The following DSCAML1 variants were observed in gnomAD, a reference collection of about 807,000 sequenced individuals.
DSCAML1 encodes the protein DS cell adhesion molecule like 1.
A neutral mutation model predicts 200.5 loss-of-function variants in DSCAML1; 38 were observed. The observed-to-expected ratio is 0.19, with a 90% confidence interval of 0.15 to 0.25. The LOEUF (loss-of-function observed/expected upper bound fraction) is 0.25. Among genes scored for constraint, DSCAML1 ranks in the 10% least tolerant of loss-of-function variants. DSCAML1 has a pLI of 1.00. For missense variants in DSCAML1, 2,223 were observed against 2,858.8 expected (o/e 0.78, Z 5.07); for synonymous variants, 1,215 against 1,165.0 (o/e 1.04, Z -0.87).
intron 1 of DSCAML1, among the ~76,000 whole-genome samples, chr11:117,804,641 AAT>A (rs1349431765): frequency 6.6e-6 from 1 of 152,214 alleles, no homozygotes. Flanking sequence ...CAACTTTAGC[AAT>A]ATCTCGTCCG....
chr11:117,547,592 G>T (rs931117852), intron 3 of DSCAML1, among the ~76,000 whole-genome samples: 1 of 152,082 alleles, frequency 6.6e-6, no homozygotes, highest in Admixed American at 6.5e-5. Flanking sequence ...TGACCCCAGG[G>T]CCTGGCCCTC....
At chr11:117,667,369 A>AT (rs2053000489) in intron 3 of DSCAML1, among the ~76,000 whole-genome samples, 1 of 152,198 alleles carries the variant, frequency 6.6e-6, no homozygotes, top group African/African-American at 2.4e-5. Flanking sequence ...CCAAGATGGC[A>AT]CCACTGCACT....
intron 3 of DSCAML1, among the ~76,000 whole-genome samples, chr11:117,736,576 C>T (rs574647901): frequency 6.6e-6 from 1 of 152,150 alleles, no homozygotes; most frequent in African/African-American, 2.4e-5. Flanking sequence ...CATGGGGGTA[C>T]AATTTGGGTG....
intron 3 of DSCAML1, among the ~76,000 whole-genome samples, chr11:117,726,803 G>A (rs77346825): frequency 0.011 from 1,670 of 152,234 alleles, 18 homozygotes; most frequent in East Asian, 0.04. Flanking sequence ...GGTAGTGATC[G>A]CGGGAGAATG....
At chr11:117,679,616 G>C (rs2053278238) in intron 3 of DSCAML1, among the ~76,000 whole-genome samples, 1 of 152,050 alleles carries the variant, frequency 6.6e-6, no homozygotes, top group African/African-American at 2.4e-5. Flanking sequence ...TCCTCCTGGG[G>C]GCCCTGGGCC....
chr11:117,666,719 A>C (rs976114500), intron 3 of DSCAML1, among the ~76,000 whole-genome samples: 6 of 152,188 alleles, frequency 3.9e-5, no homozygotes, highest in African/African-American at 1.4e-4. Context: ...GTCTAAAGGA[A>C]GGTCGCAAAT....
At position 117,467,194 on chromosome 11, in the gene DSCAML1, C is replaced by CA. The variant is rs1409375960; in HGVS notation, c.3025-2013_3025-2012insT. The stretch of plus-strand genomic sequence containing the variant: ...GCGCACGCATGCGCGTGCACACACA[C>CA]CTCCCCCCTCCCCCCGCCGCCAATA... On this transcript the variant is annotated intron_variant, in intron 16 of 32. Transcript: ENST00000651296. Among the ~76,000 whole-genome samples, 467 of 89,444 alleles carry CA rather than the reference C, an allele frequency of 5.2e-3. 25 individuals are homozygous for CA. The highest frequency in any genetic ancestry group is 0.015 in the Middle Eastern group (3 of 200). 58.7% of individuals were successfully genotyped at this position (89,444 alleles called of 152,430 possible).
chr11:117,685,796 TGG>T (rs2053392932), intron 3 of DSCAML1, among the ~76,000 whole-genome samples: 1 of 152,124 alleles, frequency 6.6e-6, no homozygotes, highest in Non-Finnish European at 1.5e-5. Context: ...GAAAAATGTC[TGG>T]GAAGTTGTAC....
intron 5 of DSCAML1, among the ~76,000 whole-genome samples, chr11:117,523,434 A>G (rs1016464261): frequency 1.3e-5 from 2 of 152,288 alleles, no homozygotes; most frequent in South Asian, 4.1e-4. Flanking sequence ...TTTGTACGAG[A>G]GGAACCCCCA....
At chr11:117,725,683 CCGGG>C (rs5795101) in intron 3 of DSCAML1, among the ~76,000 whole-genome samples, 140,813 of 152,078 alleles carry the variant, frequency 0.93, 65,853 homozygotes, top group East Asian at 1. Context: ...AGGAGGGAGG[CCGGG>C]CCTCCCAGGG....
intron 3 of DSCAML1, among the ~76,000 whole-genome samples, chr11:117,702,007 T>C (rs1774003210): frequency 6.6e-6 from 1 of 152,122 alleles, no homozygotes; most frequent in Non-Finnish European, 1.5e-5. Context: ...GTCCCGTGGA[T>C]CCAACCCCCT....
At chr11:117,813,031 C>T (rs1239628668) in intron 1 of DSCAML1, among the ~76,000 whole-genome samples, 3 of 152,146 alleles carry the variant, frequency 2.0e-5, no homozygotes, top group Non-Finnish European at 1.5e-5. Context: ...CTTCCCACCT[C>T]TATACAGTCT....
intron 19 of DSCAML1, among the ~76,000 whole-genome samples, chr11:117,454,859 C>G: frequency 6.6e-6 from 1 of 152,170 alleles, no homozygotes; most frequent in African/African-American, 2.4e-5. Flanking sequence ...TTTTGGTCCA[C>G]TTTTACCCTT....
At chr11:117,445,829 C>G (rs753363681) in intron 20 of DSCAML1, among the ~76,000 whole-genome samples, 3 of 152,186 alleles carry the variant, frequency 2.0e-5, no homozygotes, top group Non-Finnish European at 2.9e-5. Flanking sequence ...AGATACTGGG[C>G]GCTTTCCTTT....
chr11:117,543,360 T>C (rs1182804663), intron 3 of DSCAML1, among the ~76,000 whole-genome samples: 1 of 152,142 alleles, frequency 6.6e-6, no homozygotes, highest in African/African-American at 2.4e-5. Flanking sequence ...CACTGGTGTG[T>C]GTACCTGCAC....
intron 8 of DSCAML1, among the ~76,000 whole-genome samples, chr11:117,511,611 C>A (rs2049619058): frequency 1.3e-5 from 2 of 152,174 alleles, no homozygotes; most frequent in Admixed American, 6.5e-5. Flanking sequence ...CCACTGCCAG[C>A]CAGTGTCACA....
At chr11:117,753,588 C>T (rs774372901) in intron 3 of DSCAML1, among the ~76,000 whole-genome samples, 1 of 152,210 alleles carries the variant, frequency 6.6e-6, no homozygotes, top group African/African-American at 2.4e-5. Flanking sequence ...GGCCTTCAAA[C>T]ACTGAGCATA....
chr11:117,764,790 C>A (rs1018510325), intron 3 of DSCAML1, among the ~76,000 whole-genome samples: 12 of 152,214 alleles, frequency 7.9e-5, no homozygotes, highest in Non-Finnish European at 1.6e-4. Flanking sequence ...CAGTGCAAGT[C>A]TTTTCCCTGT....
At chr11:117,431,924 G>C (rs551288340) in intron 30 of DSCAML1, among the ~76,000 whole-genome samples, 196 bp from the exon 31 acceptor site, 2 of 151,916 alleles carry the variant, frequency 1.3e-5, no homozygotes, top group Non-Finnish European at 1.5e-5. Flanking sequence ...AGGTTGGGGA[G>C]GGGGCAGTGG....
Sources: allele counts gnomAD v4.1 joint callset (sites outside exome capture counted in the v4.1 genomes callset), GRCh38; gene constraint gnomAD v4.1.1; transcripts MANE v1.5; gene names NCBI Gene and HGNC (gene_info 2026-07-23, HGNC 2026-07-21).